TNK2: variants seen among roughly 807,000 people sequenced by gnomAD.
The protein encoded by TNK2 is activated CDC42 kinase 1.
Under a neutral mutation model 101.8 loss-of-function variants are expected in TNK2, and 83 were observed. That is an observed-to-expected ratio of 0.82 (90% CI 0.68 to 0.98). The LOEUF is 0.98. Among genes scored for constraint, TNK2 ranks in the 50% least tolerant of loss-of-function variants. The pLI is 0.00. For missense variants in TNK2, 1,665 were observed against 1,483.2 expected (o/e 1.12, Z -2.01); for synonymous variants, 804 against 633.0 (o/e 1.27, Z -4.06).
chr3:195,871,581 C>T (rs1404635444), intron 10 of TNK2, among the ~76,000 whole-genome samples: 1 of 152,022 alleles, frequency 6.6e-6, no homozygotes, highest in African/African-American at 2.4e-5. Context: ...AAGCTCTCCT[C>T]CTCAGCAGCT....
Position 195,888,400 on chromosome 3 carries a change from ACAAGC to A in TNK2, c.163+21_163+25del, listed in dbSNP as rs778614551. ...GAGGACGGAAAGGGTCAGGGGCAAG[ACAAGC>A]CAGGCCAACATCCCACCTACCAGGC... On this transcript the variant is annotated intron_variant, in intron 2 of 15. Coordinates refer to ENST00000672887, the MANE Select transcript of TNK2 (RefSeq NM_001382273.1). The surrounding 1 kb of genome is among the most constrained non-coding windows in gnomAD (Gnocchi z 5.3). The A allele has an allele frequency of 2.5e-5, 40 of 1,607,592 alleles. No homozygotes were observed. The highest frequency in any genetic ancestry group is 3.3e-5 in the Non-Finnish European group (39 of 1,175,568).
Position 195,882,622 on chromosome 3 carries a change from C to T in TNK2, c.610-294G>A. 1.8e-6 allele frequency: 2 copies of T among 1,096,714 alleles called. No homozygotes were observed. Among genetic ancestry groups the T allele is most frequent in the South Asian group, 2.7e-5 (2 of 74,990 alleles). 67.9% of individuals were successfully genotyped at this position (1,096,714 alleles called of 1,614,324 possible). A position where few individuals can be genotyped will look rare whatever the true frequency, so the allele number is the denominator to read the frequency against. Reference sequence around the variant, plus strand: ...CCTGTAATCCCAGCACTTTGGGAGGCCGAGGTGGGTGGATCATTTGAGGTC... The same window carrying T: ...CCTGTAATCCCAGCACTTTGGGAGGTCGAGGTGGGTGGATCATTTGAGGTC... On this transcript the variant is annotated intron_variant, in intron 5 of 15. Coordinates refer to ENST00000672887, the MANE Select transcript of TNK2 (RefSeq NM_001382273.1). The surrounding 1 kb of genome is among the most constrained non-coding windows in gnomAD (Gnocchi z 4.2).
intron 6 of TNK2, among the ~76,000 whole-genome samples, chr3:195,880,639 A>G (rs2620625): frequency 5.1e-4 from 35 of 68,434 alleles, no homozygotes; most frequent in Admixed American, 3.7e-3. Flanking sequence ...ATGCCCCTTG[A>G]AGAGGACACA....
chr3:195,880,425 C>T (rs974948975), intron 6 of TNK2, among the ~76,000 whole-genome samples: 6 of 129,188 alleles, frequency 4.6e-5, no homozygotes, highest in Non-Finnish European at 1.0e-4. Flanking sequence ...CCAGCAATGC[C>T]CCTTGAAGAG....
rs1185024346 is a variant in TNK2 at position 195,878,732 on chromosome 3, G to T, written c.1015-140C>A. On this transcript the variant is annotated intron_variant, in intron 7 of 15. Coordinates refer to ENST00000672887, the MANE Select transcript of TNK2 (RefSeq NM_001382273.1). This position sits in a 1 kb window ranked among gnomAD's most constrained non-coding sequence, Gnocchi z 4.7. ...AAGAAGGGATCTGCCTGCCTGGGAG[G>T]GGCCCTCTCCAGAGCCCCAGTCCCT... 1 of 1,319,536 alleles carries T rather than the reference G, an allele frequency of 7.6e-7. No individual in the cohort carries two copies. The highest frequency in any genetic ancestry group is 1.0e-6 in the Non-Finnish European group (1 of 978,096). The allele number at this position is 1,319,536 out of a possible 1,614,324, so 81.7% of individuals were successfully genotyped here. A position where few individuals can be genotyped will look rare whatever the true frequency, so the allele number is the denominator to read the frequency against.
chr3:195,901,857 C>T (rs1471305384), intron 1 of TNK2, among the ~76,000 whole-genome samples: 2 of 152,144 alleles, frequency 1.3e-5, no homozygotes, highest in Non-Finnish European at 1.5e-5. Context: ...CACAAGGATG[C>T]GGGCCCATGG....
chr3:195,892,438 C>T (rs1413135495), intron 1 of TNK2: 2 of 1,535,526 alleles, frequency 1.3e-6, no homozygotes, highest in South Asian at 1.2e-5. Flanking sequence ...GCAGTCTGGC[C>T]AGGAGAGGGA....
At chr3:195,883,083 G>A in intron 5 of TNK2, 74 bp downstream of exon 5, 2 of 1,559,240 alleles carry the variant, frequency 1.3e-6, no homozygotes, top group Non-Finnish European at 1.7e-6. Flanking sequence ...CCTTAGGATG[G>A]AGAGAGGAAC....
chr3:195,869,340 G>A (rs932519286), intron 12 of TNK2, 157 bp downstream of exon 12: 5 of 778,120 alleles, frequency 6.4e-6, no homozygotes, highest in South Asian at 3.3e-5. Flanking sequence ...CTCGAGGGGG[G>A]GCAGGCATGC....
chr3:195,883,345 GC>G, intron 4 of TNK2, 36 bp from the exon 5 acceptor site: 1 of 1,609,014 alleles, frequency 6.2e-7, no homozygotes, highest in Non-Finnish European at 8.5e-7. Flanking sequence ...CTCAGGACTT[GC>G]CAGGTCCCAG....
chr3:195,863,966 C>T lies in TNK2; in HGVS notation c.*215G>A. On this transcript the variant is annotated 3_prime_UTR_variant, in exon 16 of 16. Coordinates refer to ENST00000672887, the MANE Select transcript of TNK2 (RefSeq NM_001382273.1). ...CCCTTCCACATCTTGGCAGGGGCAC[C>T]GGGACTGAACCAAAGTGTGCAGGGA... The T allele has an allele frequency of 1.1e-5, 6 of 563,222 alleles. No homozygotes were observed. Among genetic ancestry groups the T allele is most frequent in the South Asian group, 1.0e-4 (4 of 39,086 alleles). 34.9% of individuals were successfully genotyped at this position (563,222 alleles called of 1,614,324 possible).
intron 1 of TNK2, among the ~76,000 whole-genome samples, chr3:195,905,646 C>A (rs1208815131): frequency 6.6e-6 from 1 of 151,650 alleles, no homozygotes; most frequent in African/African-American, 2.4e-5. Flanking sequence ...AAATTAACCC[C>A]AAACGAATCC....
In TNK2 at chr3:195,882,012, C is replaced by G; in HGVS notation, c.887+39G>C. 6.3e-7 allele frequency: 1 copy of G among 1,584,268 alleles called. No individual in the cohort carries two copies. Among genetic ancestry groups the G allele is most frequent in the East Asian group, 2.2e-5 (1 of 44,604 alleles). On this transcript the variant is annotated intron_variant, in intron 6 of 15. Coordinates refer to ENST00000672887, the MANE Select transcript of TNK2 (RefSeq NM_001382273.1). This position sits in a 1 kb window ranked among gnomAD's most constrained non-coding sequence, Gnocchi z 4.2. ...GCCCCAGAAGCTTTGAGGCCTGGGT[C>G]TGCAGGGACTCTGTGAGCTGGCAGC... is the stretch of plus-strand genomic sequence containing the variant.
At chr3:195,869,566 G>T (rs373262085) in intron 11 of TNK2, 25 bp from the exon 12 acceptor site, 19 of 1,551,028 alleles carry the variant, frequency 1.2e-5, no homozygotes, top group African/African-American at 2.7e-5. Context: ...ATGCGGACAG[G>T]GGGAGAGAGA....
Position 195,870,955 on chromosome 3 carries a change from T to TG in TNK2, c.1452-751dup, listed in dbSNP as rs111448861. ...GGGGCCCGCTGTGTGGGTTCTGGTGTGGGGGGACTCGCTGTGTGGGGTTCT... is the reference window on the plus strand; with the variant it reads ...GGGGCCCGCTGTGTGGGTTCTGGTGTGGGGGGGACTCGCTGTGTGGGGTTCT... On this transcript the variant is annotated intron_variant, in intron 10 of 15. Coordinates refer to ENST00000672887, the MANE Select transcript of TNK2 (RefSeq NM_001382273.1). Among the ~76,000 whole-genome samples, 23 of 132,368 alleles carry TG rather than the reference T, an allele frequency of 1.7e-4. No homozygotes were observed. The East Asian group carries it at 5.2e-3, about 30-fold the overall frequency. The allele number at this position is 132,368 out of a possible 152,430, so 86.8% of individuals were successfully genotyped here.
chr3:195,887,094 CGA>C (rs778157688), intron 2 of TNK2, 47 bp from the exon 3 acceptor site: 15 of 1,598,176 alleles, frequency 9.4e-6, no homozygotes, highest in Non-Finnish European at 1.3e-5. Context: ...CGCCGTAGCC[CGA>C]GAGAGGCTGC....
intron 12 of TNK2, chr3:195,869,273 C>T (rs1743127653): frequency 8.2e-6 from 5 of 609,900 alleles, no homozygotes; most frequent in Non-Finnish European, 1.5e-5. Context: ...GGGAGTGAGG[C>T]CGAGGCGGAA....
chr3:195,885,511 C>A lies in TNK2; in HGVS notation c.235-478G>T. ...CCTGACCATTTGGTGCTGTCTGTCT[C>A]CACCCTCACCAGGGAGTCGGCTGCC... On this transcript the variant is annotated intron_variant, in intron 3 of 15. Transcript: ENST00000672887. This position sits in a 1 kb window ranked among gnomAD's most constrained non-coding sequence, Gnocchi z 4.7. The A allele has an allele frequency of 7.7e-7, 1 of 1,294,290 alleles. No individual in the cohort carries two copies. The highest frequency in any genetic ancestry group is 1.0e-6 in the Non-Finnish European group (1 of 992,036). 80.2% of individuals were successfully genotyped at this position (1,294,290 alleles called of 1,614,324 possible). A position where few individuals can be genotyped will look rare whatever the true frequency, so the allele number is the denominator to read the frequency against.
At chr3:195,879,824 G>GC (rs1751405021) in intron 6 of TNK2, among the ~76,000 whole-genome samples, 1 of 151,976 alleles carries the variant, frequency 6.6e-6, no homozygotes, top group Non-Finnish European at 1.5e-5. Context: ...ACTCGAGATC[G>GC]CTAAGGTTCA....
Sources: gnomAD v4.1 joint callset for allele counts (sites outside exome capture counted in the v4.1 genomes callset) on GRCh38, gnomAD v4.1.1 for gene constraint, Gnocchi (gnomAD v3.1) non-coding constraint, MANE v1.5 for transcripts, NCBI Gene and HGNC (gene_info 2026-07-23, HGNC 2026-07-21) for gene names.